The following MED13L variants were observed in gnomAD, a reference collection of about 807,000 sequenced individuals.
MED13L encodes the protein mediator complex subunit 13L.
In MED13L, 7 loss-of-function variants were observed where a neutral mutation model predicts 220.9. The ratio of observed to expected loss-of-function variants is 0.03; its 90% confidence interval spans 0.02 to 0.06. The LOEUF is 0.06. Among genes scored for constraint, MED13L ranks in the 10% least tolerant of loss-of-function variants. MED13L has a pLI of 1.00. For missense variants in MED13L, 1,965 were observed against 2,760.5 expected (o/e 0.71, Z 6.46); for synonymous variants, 1,011 against 1,015.2 (o/e 1.00, Z 0.08).
At chr12:116,105,998 C>T (rs1873537725) in intron 3 of MED13L, among the ~76,000 whole-genome samples, 1 of 152,202 alleles carries the variant, frequency 6.6e-6, no homozygotes, top group Non-Finnish European at 1.5e-5. Flanking sequence ...GTGCTCTCTA[C>T]CATGGGCCCA....
intron 2 of MED13L, among the ~76,000 whole-genome samples, chr12:116,222,458 G>C (rs964667818): frequency 6.6e-6 from 1 of 152,164 alleles, no homozygotes; most frequent in African/African-American, 2.4e-5. Context: ...GAATAGAAGG[G>C]AGTAATCCAA....
chr12:116,217,916 G>A (rs1007467759), intron 2 of MED13L, among the ~76,000 whole-genome samples: 7 of 152,112 alleles, frequency 4.6e-5, no homozygotes, highest in African/African-American at 1.7e-4. Context: ...CATTAATTAA[G>A]TTTCTGGAAA....
intron 5 of MED13L, among the ~76,000 whole-genome samples, chr12:116,021,691 T>A (rs1033366211): frequency 6.6e-6 from 1 of 152,162 alleles, no homozygotes; most frequent in Non-Finnish European, 1.5e-5. Context: ...GCTAAGACTA[T>A]TTCAACCAGT....
chr12:116,032,958 G>A (rs1022440997), intron 4 of MED13L, among the ~76,000 whole-genome samples: 6 of 152,012 alleles, frequency 3.9e-5, no homozygotes, highest in Non-Finnish European at 8.8e-5. Context: ...AGAGGGAGAA[G>A]AATATAGGAA....
In MED13L at chr12:116,117,217, T is replaced by C. The variant is rs556132208; in HGVS notation, c.311-5705A>G. Among the ~76,000 whole-genome samples, 44 of 152,192 alleles carry C rather than the reference T, an allele frequency of 2.9e-4. No individual in the cohort carries two copies. The South Asian group carries it at 7.5e-3, about 26-fold the overall frequency. On this transcript the variant is annotated intron_variant, in intron 2 of 30. Transcript: ENST00000281928. The stretch of plus-strand genomic sequence containing the variant: ...CTATGTGCTGTATGATTCATTCATA[T>C]GTCATTCTCGCAAAAGGCAAATTTA...
At chr12:116,187,662 G>A (rs549441777) in intron 2 of MED13L, among the ~76,000 whole-genome samples, 15 of 152,036 alleles carry the variant, frequency 9.9e-5, no homozygotes, top group Non-Finnish European at 1.8e-4. Flanking sequence ...ATATAACTAT[G>A]CTAATCATAG....
At chr12:116,040,956 G>A (rs560537374) in intron 4 of MED13L, among the ~76,000 whole-genome samples, 5 of 152,274 alleles carry the variant, frequency 3.3e-5, no homozygotes, top group African/African-American at 1.2e-4. Context: ...AACCCCATGG[G>A]AAAGTGCTTC....
In MED13L at chr12:116,226,686, T is replaced by C. The variant is rs570142597; in HGVS notation, c.310+10782A>G. On this transcript the variant is annotated intron_variant, in intron 2 of 30. Transcript: ENST00000281928. Reference sequence around the variant, plus strand: ...AAGTTTGAGACCAGCCTGGCCAACATGGTGAAACCCCATCTCTACTAAAAA... The same window carrying C: ...AAGTTTGAGACCAGCCTGGCCAACACGGTGAAACCCCATCTCTACTAAAAA... Among the ~76,000 whole-genome samples, 232 of 152,244 alleles carry C rather than the reference T, an allele frequency of 1.5e-3. 2 individuals are homozygous for C. The highest frequency in any genetic ancestry group is 5.3e-3 in the African/African-American group (220 of 41,568).
chr12:116,074,692 A>G (rs1035293491), intron 4 of MED13L, among the ~76,000 whole-genome samples: 19 of 152,326 alleles, frequency 1.2e-4, no homozygotes, highest in African/African-American at 4.6e-4. Flanking sequence ...CCTGTTCTCT[A>G]TCCTTTTGAC....
intron 28 of MED13L, among the ~76,000 whole-genome samples, chr12:115,968,111 A>G (rs1289437322): frequency 7.2e-6 from 1 of 138,156 alleles, no homozygotes; most frequent in Non-Finnish European, 1.5e-5. Context: ...TGTCTAAATA[A>G]ATGAGTGTGA....
At chr12:116,087,261 A>C (rs951188023) in intron 4 of MED13L, among the ~76,000 whole-genome samples, 7 of 152,194 alleles carry the variant, frequency 4.6e-5, no homozygotes, top group African/African-American at 1.7e-4. Flanking sequence ...CATAAAATTC[A>C]TCACAAAAAA....
intron 2 of MED13L, among the ~76,000 whole-genome samples, chr12:116,136,291 A>C (rs1473287330): frequency 6.6e-6 from 1 of 152,202 alleles, no homozygotes; most frequent in Non-Finnish European, 1.5e-5. Flanking sequence ...TACCATGCAA[A>C]TAAGTGTTTC....
Position 115,984,303 on chromosome 12 carries a change from T to A in MED13L, c.4408A>T (p.Thr1470Ser), listed in dbSNP as rs1322638242. The A allele has an allele frequency of 1.9e-6, 3 of 1,613,938 alleles. No homozygotes were observed. Among genetic ancestry groups the A allele is most frequent in the African/African-American group, 1.3e-5 (1 of 74,880 alleles). Reference protein sequence around the residue: ...LRDGIMRVGKTVAQKLTDELV... With the variant: ...LRDGIMRVGKSVAQKLTDELV... ...TCATCTGTCAGCTTCTGTGCCACAGTTTTTCCCACGCGCATGATCCCGTCA... is the reference window on the plus strand; with the variant it reads ...TCATCTGTCAGCTTCTGTGCCACAGATTTTCCCACGCGCATGATCCCGTCA... The change falls in exon 20 of 31, where the codon ACT (threonine) becomes TCT (serine). Residue 1470 changes from threonine (T) to serine (S), a missense_variant. Physicochemically the swap from Thr to Ser is moderately conservative, Grantham distance 58. This residue lies in a region of MED13L where 510 missense variants were observed against 620.4 expected (regional missense o/e 0.82). Coordinates refer to ENST00000281928, the MANE Select transcript of MED13L (RefSeq NM_015335.5).
At chr12:116,004,908 G>A (rs905359281) in intron 13 of MED13L, among the ~76,000 whole-genome samples, 17 of 152,172 alleles carry the variant, frequency 1.1e-4, no homozygotes, top group East Asian at 3.9e-4. Context: ...ACTTGGTCAC[G>A]TCGTATCTGA....
intron 30 of MED13L, among the ~76,000 whole-genome samples, chr12:115,962,925 G>A (rs1321871829): frequency 1.3e-5 from 2 of 152,132 alleles, no homozygotes; most frequent in African/African-American, 4.8e-5. Flanking sequence ...GGAGGCTGAG[G>A]CAGGAGAATG....
intron 4 of MED13L, among the ~76,000 whole-genome samples, chr12:116,030,031 T>C (rs1240044553): frequency 1.3e-5 from 2 of 152,156 alleles, no homozygotes; most frequent in South Asian, 2.1e-4. Context: ...TGCAGTGGCA[T>C]GATCTCTGCT....
At chr12:116,127,552 C>T (rs1176372053) in intron 2 of MED13L, among the ~76,000 whole-genome samples, 1 of 152,078 alleles carries the variant, frequency 6.6e-6, no homozygotes, top group African/African-American at 2.4e-5. Flanking sequence ...GGCAATATTA[C>T]CCACTCAGAA....
In MED13L at chr12:116,127,298, C is replaced by T. The variant is rs372919013; in HGVS notation, c.311-15786G>A. 5.9e-5 allele frequency among the ~76,000 whole-genome samples: 9 copies of T among 152,170 alleles called. 4 individuals carry two copies. The highest frequency in any genetic ancestry group is 2.2e-4 in the African/African-American group (9 of 41,528). On this transcript the variant is annotated intron_variant, in intron 2 of 30. Transcript: ENST00000281928. Reference sequence around the variant, plus strand: ...TTTGTTATAACTCATAATTTAAAAACATTTTTTCAATTCCGATTCAAAAAC... The same window carrying T: ...TTTGTTATAACTCATAATTTAAAAATATTTTTTCAATTCCGATTCAAAAAC...
intron 4 of MED13L, among the ~76,000 whole-genome samples, chr12:116,088,731 AGAG>A (rs1871936155): frequency 6.8e-6 from 1 of 148,096 alleles, no homozygotes; most frequent in African/African-American, 2.5e-5. Context: ...AGAAAAGAAA[AGAG>A]GAGAGGGGAG....
Sources: gnomAD v4.1 joint callset for allele counts (sites outside exome capture counted in the v4.1 genomes callset) on GRCh38, gnomAD v4.1.1 for gene constraint, gnomAD v4.1.1 regional missense constraint, MANE v1.5 for transcripts, NCBI Gene and HGNC (gene_info 2026-07-23, HGNC 2026-07-21) for gene names.